The following CFAP58 variants were observed in gnomAD, a reference collection of about 807,000 sequenced individuals.
CFAP58 encodes cilia- and flagella-associated protein 58.
Under a neutral mutation model 119.5 loss-of-function variants are expected in CFAP58, and 88 were observed. The observed-to-expected ratio is 0.74, with a 90% confidence interval of 0.62 to 0.88. The LOEUF (loss-of-function observed/expected upper bound fraction) is 0.88, where lower values mean the gene tolerates loss of function less well. Among genes scored for constraint, CFAP58 ranks in the 40% least tolerant of loss-of-function variants. The probability of loss-of-function intolerance (pLI) is 0.00; values close to 1 mark genes in which losing one functional copy is unlikely to be tolerated. For missense variants in CFAP58, 990 were observed against 1,021.2 expected (o/e 0.97, Z 0.42); for synonymous variants, 365 against 366.3 (o/e 1.00, Z 0.04).
upstream of CFAP58, among the ~76,000 whole-genome samples, chr10:104,348,837 T>C (rs1218330834): frequency 6.6e-6 from 1 of 152,234 alleles, no homozygotes; most frequent in Non-Finnish European, 1.5e-5. Context: ...TTCCTTACTT[T>C]AGAACTCATT....
At chr10:104,412,528 A>T (rs1349350042) in intron 15 of CFAP58, among the ~76,000 whole-genome samples, 1 of 152,158 alleles carries the variant, frequency 6.6e-6, no homozygotes, top group Non-Finnish European at 1.5e-5. Flanking sequence ...AGTGTTCCAT[A>T]GGATTTGACA....
rs1159942886 is a variant in CFAP58, at chr10:104,376,819, G to T, written c.1099G>T (p.Ala367Ser). ...QIVGLEREVE[A>S]SKKQAELDRK... ...TCTCCCTGGGGATTCAGAGGTAGAG[G>T]CTTCAAAGAAACAAGCAGAACTTGA... The change falls in exon 8 of 18, where the codon GCT becomes TCT. Residue 367 changes from alanine (A) to serine (S), a missense_variant. Transcript: ENST00000369704. 1.2e-6 allele frequency: 2 copies of T among 1,613,020 alleles called. No individual in the cohort carries two copies. The highest frequency in any genetic ancestry group is 2.2e-5 in the East Asian group (1 of 44,812).
chr10:104,427,385 G>A (rs1262650076), intron 15 of CFAP58, among the ~76,000 whole-genome samples: 2 of 152,062 alleles, frequency 1.3e-5, no homozygotes, highest in African/African-American at 4.8e-5. Context: ...CTAGTGAGAG[G>A]CAAAAATATC....
At chr10:104,340,799 A>G in the CFAP58 span, among the ~76,000 whole-genome samples, 333 of 152,290 alleles carry the variant, frequency 2.2e-3, 4 homozygotes, top group East Asian at 0.052. Flanking sequence ...GTTAGTATCT[A>G]TTCAGGCCTT....
chr10:104,399,351 C>A lies in CFAP58; in HGVS notation c.1675-9C>A. On this transcript the variant is annotated splice_polypyrimidine_tract_variant and intron_variant, in intron 11 of 17. Coordinates refer to ENST00000369704, the MANE Select transcript of CFAP58 (RefSeq NM_001008723.2). The stretch of plus-strand genomic sequence containing the variant: ...TTGAAATTTGCCTGTATCTTCCACT[C>A]TTTGTCAGGCTGAGCTGCAGAAGCT... 6.2e-7 allele frequency: 1 copy of A among 1,613,110 alleles called. No homozygotes were observed.
intron 1 of CFAP58, 43 bp downstream of exon 1, chr10:104,353,949 C>A: frequency 6.2e-7 from 1 of 1,606,732 alleles, no homozygotes; most frequent in Non-Finnish European, 8.5e-7. Flanking sequence ...CTTGACCCCT[C>A]CCCATTGTCC....
At chr10:104,373,212 A>G (rs1370138111) in intron 7 of CFAP58, among the ~76,000 whole-genome samples, 1 of 152,212 alleles carries the variant, frequency 6.6e-6, no homozygotes, top group Non-Finnish European at 1.5e-5. Context: ...ACAAAATTCT[A>G]TTGAGGGATA....
intron 15 of CFAP58, among the ~76,000 whole-genome samples, chr10:104,410,445 G>C (rs1272193962): frequency 6.6e-6 from 1 of 152,102 alleles, no homozygotes; most frequent in African/African-American, 2.4e-5. Context: ...ATTTTTCAAT[G>C]GTTAACACTC....
chr10:104,396,719 A>G (rs763579357), intron 11 of CFAP58, among the ~76,000 whole-genome samples: 1 of 152,236 alleles, frequency 6.6e-6, no homozygotes. Flanking sequence ...CCATCTCATT[A>G]TAACTTTTTA....
chr10:104,340,005 C>T, the CFAP58 span, among the ~76,000 whole-genome samples: 1 of 152,218 alleles, frequency 6.6e-6, no homozygotes, highest in African/African-American at 2.4e-5. Context: ...TGAATGCCCT[C>T]TGGGATTGTC....
At chr10:104,441,883 A>C (rs1465249484) in intron 15 of CFAP58, among the ~76,000 whole-genome samples, 1 of 152,228 alleles carries the variant, frequency 6.6e-6, no homozygotes, top group Non-Finnish European at 1.5e-5. Context: ...AGTTCAGTTT[A>C]GCTGACATCT....
At chr10:104,352,338 A>G (rs2014469847), upstream of CFAP58, among the ~76,000 whole-genome samples, 1 of 152,192 alleles carries the variant, frequency 6.6e-6, no homozygotes, top group Non-Finnish European at 1.5e-5. Context: ...CAGGGCTTGT[A>G]CTAGGCTACT....
intron 15 of CFAP58, among the ~76,000 whole-genome samples, chr10:104,407,554 TAGTC>T (rs1199147689): frequency 6.6e-6 from 1 of 152,190 alleles, no homozygotes; most frequent in Non-Finnish European, 1.5e-5. Context: ...CTGATGTTCT[TAGTC>T]TGTATTATGG....
chr10:104,358,453 T>A lies in CFAP58; in HGVS notation c.122T>A (p.Ile41Asn), dbSNP rs753265268. 4.2e-5 allele frequency: 68 copies of A among 1,613,912 alleles called. No homozygotes were observed. Among genetic ancestry groups the A allele is most frequent in the Non-Finnish European group, 5.6e-5 (66 of 1,180,010 alleles). ...GACAAAAGTTTGGAAAAATTTCGGA[T>A]TGAATATGAGAGGCTTCATGCTGTC... ...SGDKSLEKFR[I>N]EYERLHAVMK... is the part of the protein sequence containing the mutation. Residue 41 changes from isoleucine to asparagine, a missense_variant, in exon 2 of 18, where the codon ATT (isoleucine) becomes AAT (asparagine). Physicochemically the swap from Ile to Asn is moderately radical, Grantham distance 149. Transcript: ENST00000369704.
At chr10:104,432,786 C>T (rs2012870802) in intron 15 of CFAP58, among the ~76,000 whole-genome samples, 1 of 152,194 alleles carries the variant, frequency 6.6e-6, no homozygotes, top group Non-Finnish European at 1.5e-5. Context: ...CAGGCGTGAG[C>T]CACCGCGCCC....
the CFAP58 span, among the ~76,000 whole-genome samples, chr10:104,341,074 C>G: frequency 1.1e-4 from 16 of 152,052 alleles, no homozygotes; most frequent in African/African-American, 3.9e-4. Flanking sequence ...ATCCTAATGT[C>G]AAGAAAAAAC....
intron 8 of CFAP58, among the ~76,000 whole-genome samples, chr10:104,378,020 G>A (rs1564884684): frequency 6.6e-6 from 1 of 152,104 alleles, no homozygotes; most frequent in Non-Finnish European, 1.5e-5. Flanking sequence ...TAGGTTTTCT[G>A]CCATGATAAG....
At chr10:104,417,074 T>TAAA (rs1175265283) in intron 15 of CFAP58, among the ~76,000 whole-genome samples, 1 of 152,214 alleles carries the variant, frequency 6.6e-6, no homozygotes, top group Non-Finnish European at 1.5e-5. Flanking sequence ...ATCTGCATTT[T>TAAA]AAGCAGATCC....
intron 15 of CFAP58, among the ~76,000 whole-genome samples, chr10:104,419,589 C>T (rs370982909): frequency 1.3e-5 from 2 of 150,312 alleles, no homozygotes; most frequent in East Asian, 3.9e-4. Context: ...TTTGAAAATT[C>T]CTTTTTTGAG....
Sources: gnomAD v4.1 joint callset for allele counts (sites outside exome capture counted in the v4.1 genomes callset) on GRCh38, gnomAD v4.1.1 for gene constraint, MANE v1.5 for transcripts, NCBI Gene and HGNC (gene_info 2026-07-23, HGNC 2026-07-21) for gene names.